Variants in UNC13B observed in about 807,000 individuals in gnomAD.
UNC13B encodes the protein unc-13 homolog B.
A neutral mutation model predicts 211.0 loss-of-function variants in UNC13B; 144 were observed. The ratio of observed to expected loss-of-function variants is 0.68; its 90% CI spans 0.60 to 0.78. The LOEUF is 0.78. UNC13B is among the 30% of genes least tolerant of loss of function. UNC13B has a pLI of 0.00. For missense variants in UNC13B, 1,777 were observed against 2,002.0 expected, an observed-to-expected ratio of 0.89 and a Z score of 2.14; for synonymous variants, 709 against 725.8, an observed-to-expected ratio of 0.98 and a Z score of 0.37.
At chr9:35,358,716 C>T (rs1048577488) in intron 11 of UNC13B, among the ~76,000 whole-genome samples, 3 of 115,380 alleles carry the variant, frequency 2.6e-5, no homozygotes, top group South Asian at 2.7e-4. Context: ...TTTTTTGAGA[C>T]GGAGTTTTGC....
intron 2 of UNC13B, among the ~76,000 whole-genome samples, chr9:35,230,233 A>G (rs1825118999): frequency 6.6e-6 from 1 of 151,982 alleles, no homozygotes; most frequent in African/African-American, 2.4e-5. Context: ...GCACTTTTGG[A>G]GGCCAAGATG....
intron 7 of UNC13B, among the ~76,000 whole-genome samples, chr9:35,267,722 C>T (rs1045507110): frequency 7.2e-5 from 11 of 152,122 alleles, no homozygotes; most frequent in Admixed American, 7.2e-4. Flanking sequence ...CAATGGGGTG[C>T]AGGTGTGAGT....
chr9:35,403,223 C>T lies in UNC13B; in HGVS notation c.12541C>T (p.His4181Tyr), dbSNP rs1836443350. ...EVSIQVDLFTHPGTGEHKVTV... is the reference protein window; with the variant it reads ...EVSIQVDLFTYPGTGEHKVTV... ...CTCTATTCAGGTGGACTTGTTTACA[C>T]ACCCTGGTACTGGGGAGCACAAGGT... Residue 4181 changes from histidine (H) to tyrosine (Y), a missense_variant, in exon 38 of 40, where the codon CAC becomes TAC. Transcript: ENST00000635942. 1 of 1,614,200 alleles carries T rather than the reference C, an allele frequency of 6.2e-7. No homozygotes were observed. Among genetic ancestry groups the T allele is most frequent in the Non-Finnish European group, 8.5e-7 (1 of 1,180,026 alleles).
chr9:35,346,120 TCCC>T (rs1358597839), intron 11 of UNC13B, among the ~76,000 whole-genome samples: 3 of 152,262 alleles, frequency 2.0e-5, no homozygotes. Flanking sequence ...ATCCTGAGAA[TCCC>T]CATACCTGCT....
At chr9:35,389,452 A>G (rs939454448) in intron 24 of UNC13B, among the ~76,000 whole-genome samples, 1 of 152,128 alleles carries the variant, frequency 6.6e-6, no homozygotes, top group African/African-American at 2.4e-5. Flanking sequence ...GTAGAGGAAT[A>G]CCACCAGAAG....
At chr9:35,263,289 G>A (rs1198436045) in intron 7 of UNC13B, among the ~76,000 whole-genome samples, 2 of 151,698 alleles carry the variant, frequency 1.3e-5, no homozygotes, top group Admixed American at 1.3e-4. Context: ...AGAATATTAT[G>A]CATTTATTAA....
intron 1 of UNC13B, among the ~76,000 whole-genome samples, chr9:35,177,517 C>T (rs1249654147): frequency 6.6e-6 from 1 of 152,140 alleles, no homozygotes; most frequent in African/African-American, 2.4e-5. Context: ...CCCCATGTAC[C>T]TTCATAAAGT....
intron 37 of UNC13B, chr9:35,401,992 A>G: frequency 6.4e-7 from 1 of 1,550,740 alleles, no homozygotes; most frequent in Admixed American, 2.0e-5. Flanking sequence ...TAATGAGGAC[A>G]TTCGTCCGGA....
chr9:35,371,379 C>A (rs1263115385), intron 13 of UNC13B, among the ~76,000 whole-genome samples: 1 of 148,512 alleles, frequency 6.7e-6, no homozygotes, highest in Non-Finnish European at 1.5e-5. Context: ...AGACGGAGTC[C>A]CTGTTACCCA....
Position 35,237,537 on chromosome 9 carries a change from A to G in UNC13B, c.271-166A>G, listed in dbSNP as rs184138396. On this transcript the variant is annotated intron_variant, in intron 4 of 39. Coordinates refer to ENST00000635942, the MANE Select transcript of UNC13B (RefSeq NM_001371189.2). The stretch of plus-strand genomic sequence containing the variant: ...CTCCCCACCAAAGAGGGAAAACAGA[A>G]GCCACATGCAGTGGAGGCAGGTGGT... Among the ~76,000 whole-genome samples the G allele has an allele frequency of 1.9e-3, 293 of 152,272 alleles. 1 individual carries two copies. Among genetic ancestry groups the G allele is most frequent in the Non-Finnish European group, 2.3e-3 (155 of 68,002 alleles).
At chr9:35,387,102 A>G (rs530791310) in intron 24 of UNC13B, among the ~76,000 whole-genome samples, 11 of 152,184 alleles carry the variant, frequency 7.2e-5, no homozygotes, top group Non-Finnish European at 1.3e-4. Context: ...ATAAACATAT[A>G]TATAACTCTA....
intron 1 of UNC13B, among the ~76,000 whole-genome samples, chr9:35,180,423 T>C (rs1337117443): frequency 1.3e-5 from 2 of 152,242 alleles, no homozygotes; most frequent in Admixed American, 6.5e-5. Context: ...ATGGCTGCTT[T>C]GCAAGTTTAG....
intron 12 of UNC13B, among the ~76,000 whole-genome samples, chr9:35,368,265 T>C (rs1833901023): frequency 6.6e-6 from 1 of 152,216 alleles, no homozygotes; most frequent in Non-Finnish European, 1.5e-5. Flanking sequence ...TGTGTCCATG[T>C]GTTCTCATCA....
At chr9:35,179,435 C>G (rs1419303835) in intron 1 of UNC13B, among the ~76,000 whole-genome samples, 1 of 152,054 alleles carries the variant, frequency 6.6e-6, no homozygotes, top group Non-Finnish European at 1.5e-5. Context: ...CTAGAGAACT[C>G]TTGAATCTCG....
intron 1 of UNC13B, among the ~76,000 whole-genome samples, chr9:35,203,042 T>G (rs1255579028): frequency 1.3e-5 from 2 of 152,314 alleles, no homozygotes; most frequent in East Asian, 1.9e-4. Context: ...TCCACCCACC[T>G]TGGCCTCCCA....
At chr9:35,346,196 C>A (rs1223611784) in intron 11 of UNC13B, among the ~76,000 whole-genome samples, 2 of 152,066 alleles carry the variant, frequency 1.3e-5, no homozygotes, top group Non-Finnish European at 2.9e-5. Context: ...GATATATGGC[C>A]CAGAAATGCT....
chr9:35,175,703 C>T (rs1821584906), intron 1 of UNC13B, among the ~76,000 whole-genome samples: 1 of 152,004 alleles, frequency 6.6e-6, no homozygotes, highest in African/African-American at 2.4e-5. Context: ...AGAAGTTCTG[C>T]AGTGAAGAGT....
At chr9:35,191,729 CAG>C (rs1822670068) in intron 1 of UNC13B, among the ~76,000 whole-genome samples, 1 of 152,202 alleles carries the variant, frequency 6.6e-6, no homozygotes, top group Admixed American at 6.5e-5. Context: ...TGTAAAATGG[CAG>C]AGACTAAAAC....
intron 14 of UNC13B, 97 bp from the exon 15 acceptor site, chr9:35,375,931 G>A (rs1587724654): frequency 3.2e-6 from 4 of 1,267,426 alleles, no homozygotes; most frequent in Non-Finnish European, 4.6e-6. Flanking sequence ...AATGAGCCGA[G>A]ATCATACCAC....
Sources: allele counts gnomAD v4.1 joint callset (sites outside exome capture counted in the v4.1 genomes callset), GRCh38; gene constraint gnomAD v4.1.1; transcripts MANE v1.5; gene names NCBI Gene and HGNC (gene_info 2026-07-23, HGNC 2026-07-21).